The following PTK7 variants were observed in gnomAD, a reference collection of about 807,000 sequenced individuals.
PTK7 encodes inactive tyrosine-protein kinase 7.
PTK7 carries 39 observed loss-of-function variants against 116.6 expected under a neutral mutation model. The ratio of observed to expected loss-of-function variants is 0.33; its 90% confidence interval spans 0.26 to 0.44. The LOEUF (loss-of-function observed/expected upper bound fraction) is 0.44. Ranked by LOEUF, PTK7 falls within the 20% of genes least tolerant of loss-of-function variation. PTK7 has a pLI of 1.00. For synonymous variants in PTK7, 546 were observed against 563.6 expected, an observed-to-expected ratio of 0.97 and a Z score of 0.44; for missense variants, 1,169 against 1,425.6, an observed-to-expected ratio of 0.82 and a Z score of 2.90.
intron 17 of PTK7, among the ~76,000 whole-genome samples, chr6:43,156,851 C>T (rs573310748): frequency 5.3e-5 from 8 of 151,732 alleles, no homozygotes; most frequent in Admixed American, 2.0e-4. Context: ...GAGCCGAGAT[C>T]GCACCACTGC....
intron 5 of PTK7, among the ~76,000 whole-genome samples, chr6:43,130,932 A>G (rs1157687891): frequency 6.6e-6 from 1 of 151,656 alleles, no homozygotes; most frequent in Non-Finnish European, 1.5e-5. Context: ...GTCTTCTGGG[A>G]TGGAAGGGTA....
intron 1 of PTK7, among the ~76,000 whole-genome samples, chr6:43,090,666 A>C (rs998558933): frequency 6.6e-6 from 1 of 152,150 alleles, no homozygotes; most frequent in Non-Finnish European, 1.5e-5. Flanking sequence ...CTTCTGGCAG[A>C]CAAAGGTTTG....
At chr6:43,154,331 CA>C (rs915423793) in intron 17 of PTK7, among the ~76,000 whole-genome samples, 128 of 139,780 alleles carry the variant, frequency 9.2e-4, no homozygotes, top group Non-Finnish European at 8.3e-4. Context: ...CACCCTGTCT[CA>C]AAAAAAAAAA....
intron 1 of PTK7, among the ~76,000 whole-genome samples, chr6:43,103,553 G>A (rs916199739): frequency 2.6e-5 from 4 of 152,082 alleles, no homozygotes; most frequent in South Asian, 2.1e-4. Flanking sequence ...AGGAAGGATC[G>A]GAGTCAAATA....
rs1222128621 is a variant in PTK7, at chr6:43,116,603, TTTGTGTGTGTG to T, written c.80-12372_80-12362del. On this transcript the variant is annotated intron_variant, in intron 1 of 19. Coordinates refer to ENST00000230419, the MANE Select transcript of PTK7 (RefSeq NM_002821.5). ...GAGGAAGAAGGCCAGGAAAAGCTGG[TTTGTGTGTGTG>T]TGTGTGTGTGTGTGTGTGTGTGTGT... 3.1e-3 allele frequency among the ~76,000 whole-genome samples: 390 copies of T among 126,248 alleles called. 1 individual carries two copies. Among genetic ancestry groups the T allele is most frequent in the African/African-American group, 0.011 (360 of 31,436 alleles). The allele number at this position is 126,248 out of a possible 152,430, so 82.8% of individuals were successfully genotyped here.
intron 1 of PTK7, among the ~76,000 whole-genome samples, chr6:43,091,499 A>T (rs927052883): frequency 6.6e-6 from 1 of 152,032 alleles, no homozygotes; most frequent in Non-Finnish European, 1.5e-5. Flanking sequence ...GAATAATAAT[A>T]CCAGTCTCGT....
intron 1 of PTK7, among the ~76,000 whole-genome samples, chr6:43,088,725 A>ATAAG (rs892016528): frequency 3.3e-5 from 5 of 151,938 alleles, no homozygotes; most frequent in African/African-American, 1.2e-4. Context: ...AAATAAATAA[A>ATAAG]TAAATAAAGA....
At chr6:43,134,236 A>G (rs1481804192) in intron 7 of PTK7, among the ~76,000 whole-genome samples, 1 of 152,018 alleles carries the variant, frequency 6.6e-6, no homozygotes, top group African/African-American at 2.4e-5. Flanking sequence ...GCGATGTTTT[A>G]CCATGTTGGC....
Position 43,139,665 on chromosome 6 carries a change from G to A in PTK7, c.1618+140G>A. On this transcript the variant is annotated intron_variant, in intron 10 of 19. Coordinates refer to ENST00000230419, the MANE Select transcript of PTK7 (RefSeq NM_002821.5). This position sits in a 1 kb window ranked among gnomAD's most constrained non-coding sequence, Gnocchi z 4.6. ...CAGTGCAGGGCTGATGTATAGTTTA[G>A]TTAGGAAGGAAAAAGCCAGACACAG... is the stretch of plus-strand genomic sequence containing the variant. The A allele has an allele frequency of 7.3e-7, 1 of 1,367,284 alleles. No homozygotes were observed. Among genetic ancestry groups the A allele is most frequent in the Non-Finnish European group, 9.8e-7 (1 of 1,020,114 alleles). The allele number at this position is 1,367,284 out of a possible 1,614,324, so 84.7% of individuals were successfully genotyped here. A position where few individuals can be genotyped will look rare whatever the true frequency, so the allele number is the denominator to read the frequency against.
intron 17 of PTK7, among the ~76,000 whole-genome samples, chr6:43,157,365 T>TATATATA (rs1554162298): frequency 3.4e-4 from 9 of 26,862 alleles, no homozygotes; most frequent in Non-Finnish European, 5.5e-4. Flanking sequence ...TATATATATA[T>TATATATA]TTTTTTTTTT....
chr6:43,084,987 A>C (rs558943148), intron 1 of PTK7, among the ~76,000 whole-genome samples: 1 of 152,266 alleles, frequency 6.6e-6, no homozygotes, highest in East Asian at 1.9e-4. Flanking sequence ...AATAGAAGAG[A>C]CATCTATAGA....
In PTK7 at chr6:43,144,614, G is replaced by C. The variant is rs776265521; in HGVS notation, c.2407+8G>C. The C allele has an allele frequency of 9.4e-6, 15 of 1,602,966 alleles. No homozygotes were observed. The South Asian group carries it at 1.4e-4, about 15-fold the overall frequency. On this transcript the variant is annotated splice_region_variant and intron_variant, in intron 15 of 19. Coordinates refer to ENST00000230419, the MANE Select transcript of PTK7 (RefSeq NM_002821.5). ...AGCCCATCACCACGCTGGGTATGTT[G>C]CCTTGACTACAGCTGCCCCTGCCTA... is the stretch of plus-strand genomic sequence containing the variant.
At position 43,158,955 on chromosome 6, in the gene PTK7, G is replaced by A. The variant is rs780361663; in HGVS notation, c.2860G>A (p.Asp954Asn). ...VKVSALGLSKDVYNSEYYHFR... is the reference protein window; with the variant it reads ...VKVSALGLSKNVYNSEYYHFR... ...GGTGTCTGCCCTGGGCCTCAGCAAG[G>A]ATGTGTACAACAGGTAGAAGGGCAT... The change falls in exon 18 of 20, where the codon GAT (aspartate) becomes AAT (asparagine). Residue 954 changes from aspartate to asparagine, a missense_variant. Asp to Asn is a conservative substitution (Grantham distance 23). This residue lies in a region of PTK7 where 678 missense variants were observed against 853.8 expected (regional missense o/e 0.79). Coordinates refer to ENST00000230419, the MANE Select transcript of PTK7 (RefSeq NM_002821.5). 1 of 1,614,146 alleles carries A rather than the reference G, an allele frequency of 6.2e-7. No individual in the cohort carries two copies. The highest frequency in any genetic ancestry group is 1.1e-5 in the South Asian group (1 of 91,088).
At chr6:43,111,035 C>G (rs1356785845) in intron 1 of PTK7, among the ~76,000 whole-genome samples, 3 of 152,190 alleles carry the variant, frequency 2.0e-5, no homozygotes, top group Admixed American at 6.5e-5. Context: ...ACCAAGATGA[C>G]TGGGTCCATT....
intron 17 of PTK7, among the ~76,000 whole-genome samples, chr6:43,157,737 A>T (rs570871548): frequency 1.1e-4 from 17 of 151,762 alleles, no homozygotes; most frequent in Non-Finnish European, 1.5e-4. Context: ...ATATATATAT[A>T]TTTTTTGAGA....
chr6:43,089,529 A>AAAGG (rs1445455090), intron 1 of PTK7, among the ~76,000 whole-genome samples: 9 of 152,374 alleles, frequency 5.9e-5, no homozygotes, highest in African/African-American at 2.2e-4. Flanking sequence ...GGGGAGAAAA[A>AAAGG]AAGGAAATGC....
Position 43,139,118 on chromosome 6 carries a change from C to T in PTK7, c.1363-18C>T, listed in dbSNP as rs751118126. The T allele has an allele frequency of 2.5e-6, 4 of 1,613,954 alleles. No individual in the cohort carries two copies. Among genetic ancestry groups the T allele is most frequent in the South Asian group, 1.1e-5 (1 of 91,054 alleles). ...TGGGTGTGGGTTCAGGCTCTGAGGC[C>T]TCTCACCTGTGCTGCAGGACTCACG... On this transcript the variant is annotated intron_variant, in intron 8 of 19. Coordinates refer to ENST00000230419, the MANE Select transcript of PTK7 (RefSeq NM_002821.5). The surrounding 1 kb of genome is among the most constrained non-coding windows in gnomAD (Gnocchi z 4.6).
chr6:43,131,881 C>T, intron 5 of PTK7, 135 bp from the exon 6 acceptor site: 2 of 1,215,288 alleles, frequency 1.6e-6, no homozygotes, highest in Non-Finnish European at 2.3e-6. Context: ...GGAGTGTCAG[C>T]TTCCTTCTCT....
At chr6:43,108,529 A>T (rs577470529) in intron 1 of PTK7, among the ~76,000 whole-genome samples, 4 of 151,220 alleles carry the variant, frequency 2.6e-5, no homozygotes, top group Non-Finnish European at 2.9e-5. Context: ...CCTCCCAAGT[A>T]GCTGGGACTA....
Sources: gnomAD v4.1 joint callset for allele counts (sites outside exome capture counted in the v4.1 genomes callset) on GRCh38, gnomAD v4.1.1 for gene constraint, gnomAD v4.1.1 regional missense constraint, Gnocchi (gnomAD v3.1) non-coding constraint, MANE v1.5 for transcripts, NCBI Gene and HGNC (gene_info 2026-07-23, HGNC 2026-07-21) for gene names.